Variants in STXBP2 observed in about 807,000 individuals in gnomAD.
STXBP2 encodes the protein syntaxin-binding protein 2.
STXBP2 carries 47 observed loss-of-function variants against 72.2 expected under a neutral mutation model. That is an observed-to-expected ratio of 0.65 (90% CI 0.51 to 0.83). The LOEUF (loss-of-function observed/expected upper bound fraction) is 0.83. Among genes scored for constraint, STXBP2 ranks in the 40% least tolerant of loss-of-function variants. The probability of loss-of-function intolerance (pLI) is 0.00; values close to 1 mark genes in which losing one functional copy is unlikely to be tolerated. For synonymous variants in STXBP2, 367 were observed against 338.7 expected, an observed-to-expected ratio of 1.08 and a Z score of -0.92; for missense variants, 702 against 807.6, an observed-to-expected ratio of 0.87 and a Z score of 1.58.
At position 7,642,754 on chromosome 19, in the gene STXBP2, C is replaced by T. The variant is rs758054651; in HGVS notation, c.903-12C>T. The T allele has an allele frequency of 2.5e-6, 4 of 1,613,840 alleles. No homozygotes were observed. In the South Asian group the frequency reaches 4.4e-5, roughly 18 times the overall value. On this transcript the variant is annotated splice_polypyrimidine_tract_variant and intron_variant, in intron 10 of 18. Transcript: ENST00000221283. This position sits in a 1 kb window ranked among gnomAD's most constrained non-coding sequence, Gnocchi z 6.0. ...TCCCCTCACTCTCACCCCCGCCCAC[C>T]CTCATGGCCAGGAAGGTCACGGAGC...
Position 7,642,869 on chromosome 19 carries a change from C to A in STXBP2, c.960+46C>A, listed in dbSNP as rs745928546. 3 of 1,613,662 alleles carry A rather than the reference C, an allele frequency of 1.9e-6. No individual in the cohort carries two copies. The South Asian group carries it at 3.3e-5, about 18-fold the overall frequency. On this transcript the variant is annotated intron_variant, in intron 11 of 18. Transcript: ENST00000221283. The surrounding 1 kb of genome is among the most constrained non-coding windows in gnomAD (Gnocchi z 6.0). ...CCAAAGGCGCTGGTGGAAGGAAGCCCCCCTCCCCATGGGCGCAGGGCCACA... is the reference window on the plus strand; with the variant it reads ...CCAAAGGCGCTGGTGGAAGGAAGCCACCCTCCCCATGGGCGCAGGGCCACA...
Position 7,642,723 on chromosome 19 carries a change from C to T in STXBP2, c.903-43C>T. The T allele has an allele frequency of 6.2e-7, 1 of 1,605,166 alleles. No homozygotes were observed. Among genetic ancestry groups the T allele is most frequent in the Non-Finnish European group, 8.5e-7 (1 of 1,173,362 alleles). Reference sequence around the variant, plus strand: ...GAGTGGGCTCACCCATGGCCTGTGGCTCCTCTCCCCTCACTCTCACCCCCG... The same window carrying T: ...GAGTGGGCTCACCCATGGCCTGTGGTTCCTCTCCCCTCACTCTCACCCCCG... On this transcript the variant is annotated intron_variant, in intron 10 of 18. Transcript: ENST00000221283. This position sits in a 1 kb window ranked among gnomAD's most constrained non-coding sequence, Gnocchi z 6.0.
At chr19:7,641,905 GC>G in intron 7 of STXBP2, 52 bp downstream of exon 7, 1 of 1,575,180 alleles carries the variant, frequency 6.3e-7, no homozygotes, top group East Asian at 2.4e-5. Flanking sequence ...TTAACCGCGT[GC>G]AACACCTAAC....
At chr19:7,641,260 C>T (rs944420356) in intron 6 of STXBP2, 9 of 545,502 alleles carry the variant, frequency 1.6e-5, no homozygotes, top group African/African-American at 1.5e-4. Flanking sequence ...GTCCTAGCTA[C>T]TCATGGGGCT....
Position 7,643,387 on chromosome 19 carries a change from C to A in STXBP2, c.1107+142C>A, listed in dbSNP as rs2031976308. ...GGAGGGGCCTTGGAGAGAGGTGGGA[C>A]CTGGTGGGGAAGGAGTGGGTCTTGT... On this transcript the variant is annotated intron_variant, in intron 13 of 18. Coordinates refer to ENST00000221283, the MANE Select transcript of STXBP2 (RefSeq NM_006949.4). 6.7e-6 allele frequency: 6 copies of A among 889,240 alleles called. No homozygotes were observed. The South Asian group carries it at 7.6e-5, about 11-fold the overall frequency. 55.1% of individuals were successfully genotyped at this position (889,240 alleles called of 1,614,324 possible).
chr19:7,643,328 G>C (rs2303115), intron 13 of STXBP2, 83 bp downstream of exon 13: 8 of 1,329,056 alleles, frequency 6.0e-6, no homozygotes, highest in Non-Finnish European at 8.4e-6. Flanking sequence ...AGAGATGGGG[G>C]GTTCTGGGGG....
Position 7,638,711 on chromosome 19 carries a change from CT to C in STXBP2, c.38-14del. On this transcript the variant is annotated splice_polypyrimidine_tract_variant and intron_variant, in intron 1 of 18. Coordinates refer to ENST00000221283, the MANE Select transcript of STXBP2 (RefSeq NM_006949.4). ...GAGAACCAGCATTCTGACCCCTCCCCTCCCTTCCCTGCAGAAATTCTGAGCG... is the reference window on the plus strand; with the variant it reads ...GAGAACCAGCATTCTGACCCCTCCCCCCCTTCCCTGCAGAAATTCTGAGCG... 2 of 1,614,128 alleles carry C rather than the reference CT, an allele frequency of 1.2e-6. No homozygotes were observed. The highest frequency in any genetic ancestry group is 8.5e-7 in the Non-Finnish European group (1 of 1,180,008).
At chr19:7,631,836 G>A in the STXBP2 span, 1 of 1,384,038 alleles carries the variant, frequency 7.2e-7, no homozygotes, top group South Asian at 2.1e-5. Flanking sequence ...TCAGCCAGGG[G>A]GAGGGCTCAA....
chr19:7,638,134 C>T (rs917613844), intron 1 of STXBP2, among the ~76,000 whole-genome samples: 2 of 152,290 alleles, frequency 1.3e-5, no homozygotes, highest in Middle Eastern at 3.4e-3. Flanking sequence ...TAGATGATCC[C>T]GGTTCTCCTC....
chr19:7,643,341 G>T, intron 13 of STXBP2, 96 bp downstream of exon 13: 1 of 1,341,268 alleles, frequency 7.5e-7, no homozygotes, highest in Non-Finnish European at 1.0e-6. Flanking sequence ...TCTGGGGGAG[G>T]GGCAGGGCTT....
rs1302745558 is a variant in STXBP2 at position 7,641,634 on chromosome 19, C to T, written c.430-71C>T. On this transcript the variant is annotated intron_variant, in intron 6 of 18. Coordinates refer to ENST00000221283, the MANE Select transcript of STXBP2 (RefSeq NM_006949.4). ...GACGGCTCCCAGGAGGTGCAGGTGG[C>T]GGCAGCGGGAAGCGGGGCAGGTGTG... The T allele has an allele frequency of 5.4e-5, 83 of 1,543,704 alleles. 3 individuals carry two copies. The highest frequency in any genetic ancestry group is 4.6e-4 in the South Asian group (38 of 83,470).
chr19:7,642,615 G>A lies in STXBP2; in HGVS notation c.902+79G>A, dbSNP rs2031939523. On this transcript the variant is annotated intron_variant, in intron 10 of 18. Transcript: ENST00000221283. The surrounding 1 kb of genome is among the most constrained non-coding windows in gnomAD (Gnocchi z 6.0). ...AGCGGCCTTGGGATCCCTGGCTGCT[G>A]CCAAGTCTTTGGCCCTCATGAGCAC... is the stretch of plus-strand genomic sequence containing the variant. 6.4e-7 allele frequency: 1 copy of A among 1,568,204 alleles called. No homozygotes were observed. The highest frequency in any genetic ancestry group is 8.8e-7 in the Non-Finnish European group (1 of 1,139,862).
upstream of STXBP2, chr19:7,632,737 G>T: frequency 6.4e-7 from 1 of 1,562,004 alleles, no homozygotes. This position sits in a 1 kb window ranked among gnomAD's most constrained non-coding sequence, Gnocchi z 5.2. Context: ...GTCTGGCCCG[G>T]CCCGGCTTGC....
the STXBP2 span, chr19:7,630,222 T>TG: frequency 6.6e-6 from 3 of 451,286 alleles, no homozygotes. Context: ...GAAGTGGAGT[T>TG]GAAGAGTGAC....
At chr19:7,633,121 T>C, upstream of STXBP2, 1 of 962,510 alleles carries the variant, frequency 1.0e-6, no homozygotes, top group African/African-American at 1.6e-5. Context: ...TGGGGCCTGA[T>C]GAGTGTGGCC....
intron 13 of STXBP2, among the ~76,000 whole-genome samples, chr19:7,644,047 C>T (rs1268283265): frequency 1.0e-4 from 15 of 147,652 alleles, no homozygotes; most frequent in Admixed American, 4.0e-4. Context: ...AGGGGTGGAG[C>T]CTTGGAGAGG....
chr19:7,632,314 C>G, upstream of STXBP2: 3 of 1,584,432 alleles, frequency 1.9e-6, no homozygotes, highest in Non-Finnish European at 2.6e-6. This position sits in a 1 kb window ranked among gnomAD's most constrained non-coding sequence, Gnocchi z 5.2. Context: ...GCCCTGTTCC[C>G]TCCTGGCTGG....
upstream of STXBP2, chr19:7,632,674 C>A: frequency 6.5e-7 from 1 of 1,548,992 alleles, no homozygotes; most frequent in Admixed American, 1.9e-5. The surrounding 1 kb of genome is among the most constrained non-coding windows in gnomAD (Gnocchi z 5.2). Flanking sequence ...CACTCCCACC[C>A]CGTTCACGCC....
chr19:7,642,272 C>T lies in STXBP2; in HGVS notation c.733C>T (p.His245Tyr), dbSNP rs2031918667. 6.2e-7 allele frequency: 1 copy of T among 1,614,182 alleles called. No homozygotes were observed. Among genetic ancestry groups the T allele is most frequent in the Admixed American group, 1.7e-5 (1 of 60,028 alleles). The change falls in exon 9 of 19, where the codon CAT becomes TAT. Residue 245 changes from histidine to tyrosine, a missense_variant. Physicochemically the swap from His to Tyr is moderately conservative, Grantham distance 83. Coordinates refer to ENST00000221283, the MANE Select transcript of STXBP2 (RefSeq NM_006949.4). The surrounding 1 kb of genome is among the most constrained non-coding windows in gnomAD (Gnocchi z 6.0). ...RAADPVSPLL[H>Y]ELTFQAMAYD... Reference sequence around the variant, plus strand: ...AGCTGACCCCGTGTCCCCACTACTGCATGAGCTCACGTTCCAGGCCATGGC... The same window carrying T: ...AGCTGACCCCGTGTCCCCACTACTGTATGAGCTCACGTTCCAGGCCATGGC...
Sources: allele counts gnomAD v4.1 joint callset (sites outside exome capture counted in the v4.1 genomes callset), GRCh38; gene constraint gnomAD v4.1.1; non-coding constraint Gnocchi (gnomAD v3.1); transcripts MANE v1.5; gene names NCBI Gene and HGNC (gene_info 2026-07-23, HGNC 2026-07-21).